Variants in MGAT5 observed in about 807,000 individuals in gnomAD.
MGAT5 encodes the protein alpha-1,6-mannosylglycoprotein 6-beta-N-acetylglucosaminyltransferase.
A neutral mutation model predicts 94.3 loss-of-function variants in MGAT5; 30 were observed. The observed-to-expected ratio is 0.32, with a 90% CI of 0.24 to 0.43. MGAT5 has a LOEUF of 0.43. Ranked by LOEUF, MGAT5 falls within the 20% of genes least tolerant of loss-of-function variation. The pLI, the probability that MGAT5 is intolerant of heterozygous loss-of-function variation, is 1.00. For synonymous variants in MGAT5, 310 were observed against 322.9 expected (o/e 0.96, Z 0.43); for missense variants, 691 against 905.5 (o/e 0.76, Z 3.04).
chr2:134,409,775 A>C lies in MGAT5; in HGVS notation c.1531-3094A>C, dbSNP rs147891315. 2.2e-4 allele frequency among the ~76,000 whole-genome samples: 33 copies of C among 152,350 alleles called. No individual in the cohort carries two copies. In the East Asian group the frequency reaches 6.2e-3, roughly 28 times the overall value. On this transcript the variant is annotated intron_variant, in intron 11 of 15. Coordinates refer to ENST00000281923, the MANE Select transcript of MGAT5 (RefSeq NM_002410.5). ...TTAAAACAATTGTTTCTTCTTTCAC[A>C]GAGTGGGAAAAATCTGGGTGGTTTT...
chr2:134,383,217 C>T (rs1267641743), intron 10 of MGAT5, among the ~76,000 whole-genome samples: 1 of 152,160 alleles, frequency 6.6e-6, no homozygotes, highest in African/African-American at 2.4e-5. Flanking sequence ...TTTTACTTTG[C>T]CTGCATCAGA....
intron 14 of MGAT5, among the ~76,000 whole-genome samples, chr2:134,429,456 G>T (rs958517392): frequency 3.9e-5 from 6 of 152,222 alleles, no homozygotes; most frequent in African/African-American, 1.2e-4. Context: ...CTGGCACCAT[G>T]TGTTTCTAGT....
intron 10 of MGAT5, among the ~76,000 whole-genome samples, chr2:134,363,296 G>A (rs1338375788): frequency 6.6e-6 from 1 of 152,174 alleles, no homozygotes; most frequent in African/African-American, 2.4e-5. Context: ...TACAGGTGAT[G>A]TACAGGATAA....
chr2:134,300,343 A>G (rs1685940278), intron 2 of MGAT5, among the ~76,000 whole-genome samples: 1 of 152,272 alleles, frequency 6.6e-6, no homozygotes. Flanking sequence ...GTCGAAGCCT[A>G]CAGACAGGAT....
chr2:134,193,700 T>C (rs1403902941), intron 1 of MGAT5, among the ~76,000 whole-genome samples: 1 of 148,698 alleles, frequency 6.7e-6, no homozygotes, highest in Non-Finnish European at 1.5e-5. Context: ...TGTGTGTGTG[T>C]GTGTGTGTGT....
intron 10 of MGAT5, among the ~76,000 whole-genome samples, chr2:134,387,953 T>C (rs1204461640): frequency 6.6e-6 from 1 of 152,158 alleles, no homozygotes; most frequent in Non-Finnish European, 1.5e-5. Context: ...CACATGTAAT[T>C]CTTTGATGAC....
At position 134,451,334 on chromosome 2, in the gene MGAT5, G is replaced by C. The variant is rs1686098406; in HGVS notation, c.*2487G>C. 6.6e-6 allele frequency: 1 copy of C among 152,284 alleles called. No individual in the cohort carries two copies. The highest frequency in any genetic ancestry group is 2.4e-5 in the African/African-American group (1 of 41,464). 9.4% of individuals were successfully genotyped at this position (152,284 alleles called of 1,614,324 possible). A position where few individuals can be genotyped will look rare whatever the true frequency, so the allele number is the denominator to read the frequency against. ...CCCCCCAGTCCAGTATTGAGTGGAA[G>C]TGCGCCGGAGTTCCACTGACAGGGC... On this transcript the variant is annotated 3_prime_UTR_variant, in exon 16 of 16. Coordinates refer to ENST00000281923, the MANE Select transcript of MGAT5 (RefSeq NM_002410.5).
At chr2:134,143,408 G>A (rs1192913496) in intron 1 of MGAT5, among the ~76,000 whole-genome samples, 1 of 152,216 alleles carries the variant, frequency 6.6e-6, no homozygotes, top group Non-Finnish European at 1.5e-5. Flanking sequence ...AGTGAAGTGG[G>A]TTGTATCTCT....
chr2:134,328,539 C>T (rs370422474), intron 4 of MGAT5, among the ~76,000 whole-genome samples: 2 of 152,006 alleles, frequency 1.3e-5, no homozygotes, highest in Admixed American at 1.3e-4. Context: ...AGTAAAGCGC[C>T]GCGTAAGTGG....
At chr2:134,413,569 G>A (rs1470891249) in intron 12 of MGAT5, among the ~76,000 whole-genome samples, 2 of 152,210 alleles carry the variant, frequency 1.3e-5, no homozygotes, top group Non-Finnish European at 2.9e-5. Context: ...AAAATCTGCA[G>A]TGTGTGATGA....
intron 1 of MGAT5, among the ~76,000 whole-genome samples, chr2:134,141,777 G>A (rs1395518792): frequency 6.6e-6 from 1 of 152,218 alleles, no homozygotes; most frequent in Non-Finnish European, 1.5e-5. Context: ...CTCCAGCATT[G>A]CTGGCAGCAG....
chr2:134,132,289 G>A (rs1182758187), intron 1 of MGAT5, among the ~76,000 whole-genome samples: 1 of 152,090 alleles, frequency 6.6e-6, no homozygotes, highest in Non-Finnish European at 1.5e-5. Context: ...ATTACACTCA[G>A]AAACAGACTA....
chr2:134,278,903 G>A lies in MGAT5; in HGVS notation c.406+8353G>A, dbSNP rs188908226. Among the ~76,000 whole-genome samples the A allele has an allele frequency of 1.6e-3, 251 of 152,222 alleles. 2 individuals are homozygous for A. The highest frequency in any genetic ancestry group is 5.8e-3 in the African/African-American group (242 of 41,522). On this transcript the variant is annotated intron_variant, in intron 2 of 15. Coordinates refer to ENST00000281923, the MANE Select transcript of MGAT5 (RefSeq NM_002410.5). Reference sequence around the variant, plus strand: ...TCTGTCTCCCTAAGACTTGCTTGATGCCCCTCACATCCCAGAGGTTTGTGA... The same window carrying A: ...TCTGTCTCCCTAAGACTTGCTTGATACCCCTCACATCCCAGAGGTTTGTGA...
At chr2:134,329,065 A>G (rs529952855) in intron 4 of MGAT5, among the ~76,000 whole-genome samples, 2 of 151,848 alleles carry the variant, frequency 1.3e-5, no homozygotes, top group African/African-American at 4.9e-5. Context: ...TGTGTGGGAC[A>G]TACTTATACT....
At chr2:134,357,991 G>A (rs16830467) in intron 9 of MGAT5, among the ~76,000 whole-genome samples, 9,991 of 151,516 alleles carry the variant, frequency 0.066, 724 homozygotes, top group East Asian at 0.22. Context: ...TTTTTCTACC[G>A]TCGGTTTTAT....
chr2:134,218,447 G>T (rs887075833), intron 1 of MGAT5, among the ~76,000 whole-genome samples: 3 of 152,136 alleles, frequency 2.0e-5, no homozygotes, highest in African/African-American at 4.8e-5. Flanking sequence ...GTCTTAGCTG[G>T]GTTCACTACT....
At chr2:134,316,068 G>A (rs781044237) in intron 2 of MGAT5, among the ~76,000 whole-genome samples, 5 of 152,006 alleles carry the variant, frequency 3.3e-5, no homozygotes, top group Middle Eastern at 3.2e-3. Flanking sequence ...GAAAACTATC[G>A]GCAGTAGGTA....
chr2:134,176,627 C>T (rs1422544122), intron 1 of MGAT5, among the ~76,000 whole-genome samples: 4 of 134,790 alleles, frequency 3.0e-5, no homozygotes, highest in South Asian at 2.5e-4. Context: ...TAAGAATAAA[C>T]GACTAGAAAA....
chr2:134,448,804 A>C lies in MGAT5; in HGVS notation c.2183A>C (p.Asp728Ala), dbSNP rs909122509. The C allele has an allele frequency of 1.2e-6, 2 of 1,614,034 alleles. No homozygotes were observed. The highest frequency in any genetic ancestry group is 1.7e-4 in the Middle Eastern group (1 of 5,934). Reference sequence around the variant, plus strand: ...CACCAGAGGGTCTGCCCCTGCCGGGACTTCATCAAGGGCCAGGTGGCTCTC... The same window carrying C: ...CACCAGAGGGTCTGCCCCTGCCGGGCCTTCATCAAGGGCCAGGTGGCTCTC... ...PRHQRVCPCRDFIKGQVALCK... is the reference protein window; with the variant it reads ...PRHQRVCPCRAFIKGQVALCK... The change falls in exon 16 of 16, where the codon GAC (aspartate) becomes GCC (alanine). Residue 728 changes from aspartate (D) to alanine (A), a missense_variant. By Grantham distance (126) the Asp-to-Ala change is moderately radical. Coordinates refer to ENST00000281923, the MANE Select transcript of MGAT5 (RefSeq NM_002410.5).
Sources: allele counts gnomAD v4.1 joint callset (sites outside exome capture counted in the v4.1 genomes callset), GRCh38; gene constraint gnomAD v4.1.1; transcripts MANE v1.5; gene names NCBI Gene and HGNC (gene_info 2026-07-23, HGNC 2026-07-21).